Variants in SLC9A9 observed in about 807,000 individuals in gnomAD.
The protein encoded by SLC9A9 is sodium/hydrogen exchanger 9.
Under a neutral mutation model 77.8 loss-of-function variants are expected in SLC9A9, and 62 were observed. The ratio of observed to expected loss-of-function variants is 0.80; its 90% CI spans 0.65 to 0.98. The LOEUF (loss-of-function observed/expected upper bound fraction) is 0.98. SLC9A9 is among the 50% of genes least tolerant of loss of function. SLC9A9 has a pLI of 0.00. For missense variants in SLC9A9, 775 were observed against 774.9 expected (o/e 1.00, Z 0.00); for synonymous variants, 320 against 283.5 (o/e 1.13, Z -1.29).
chr3:143,725,997 C>G lies in SLC9A9; in HGVS notation c.534-32690G>C, dbSNP rs564145326. ...TAAATGAGTCACCTTACCACATAGC[C>G]TTATGTATTCACCTATTGTACCTGG... On this transcript the variant is annotated intron_variant, in intron 4 of 15. Coordinates refer to ENST00000316549, the MANE Select transcript of SLC9A9 (RefSeq NM_173653.4). Among the ~76,000 whole-genome samples, 12 of 151,836 alleles carry G rather than the reference C, an allele frequency of 7.9e-5. No homozygotes were observed. The East Asian group carries it at 2.3e-3, about 29-fold the overall frequency.
At chr3:143,628,314 T>C (rs138738671) in intron 6 of SLC9A9, among the ~76,000 whole-genome samples, 233 of 152,320 alleles carry the variant, frequency 1.5e-3, no homozygotes, top group African/African-American at 5.3e-3. Flanking sequence ...ACCTAACCAA[T>C]GGAACATCAT....
intron 6 of SLC9A9, chr3:143,627,459 T>G: frequency 4.5e-6 from 1 of 223,472 alleles, no homozygotes. Context: ...GCTCCGTTTG[T>G]GTCTTGCCAC....
chr3:143,664,385 G>T (rs2039028843), intron 5 of SLC9A9, among the ~76,000 whole-genome samples: 1 of 152,202 alleles, frequency 6.6e-6, no homozygotes, highest in South Asian at 2.1e-4. Flanking sequence ...ATGCCAAATT[G>T]TAAAGACCAT....
At chr3:143,312,468 G>T (rs1227728905) in intron 14 of SLC9A9, among the ~76,000 whole-genome samples, 1 of 152,214 alleles carries the variant, frequency 6.6e-6, no homozygotes, top group Non-Finnish European at 1.5e-5. Flanking sequence ...GATGACATAC[G>T]CCAGAGCAGT....
At chr3:143,339,103 T>C (rs2032013481) in intron 14 of SLC9A9, among the ~76,000 whole-genome samples, 1 of 152,212 alleles carries the variant, frequency 6.6e-6, no homozygotes. Flanking sequence ...ACTGTGTCAG[T>C]TGACAGCTTT....
intron 2 of SLC9A9, among the ~76,000 whole-genome samples, chr3:143,813,461 A>G (rs953875352): frequency 1.3e-5 from 2 of 152,168 alleles, no homozygotes; most frequent in African/African-American, 4.8e-5. Context: ...GAGAAGAGGA[A>G]TTAAGTGTGT....
At chr3:143,829,848 G>T (rs2009389826) in intron 2 of SLC9A9, among the ~76,000 whole-genome samples, 1 of 152,144 alleles carries the variant, frequency 6.6e-6, no homozygotes, top group South Asian at 2.1e-4. Context: ...TGTTAGCCAG[G>T]CACTTTATAC....
At chr3:143,734,510 C>T (rs535099702) in intron 4 of SLC9A9, among the ~76,000 whole-genome samples, 17 of 152,024 alleles carry the variant, frequency 1.1e-4, no homozygotes, top group South Asian at 2.1e-4. Context: ...CCGAGGTGGG[C>T]GGATCACGAG....
intron 11 of SLC9A9, among the ~76,000 whole-genome samples, chr3:143,467,455 C>A (rs976252277): frequency 1.3e-5 from 2 of 152,060 alleles, no homozygotes; most frequent in Non-Finnish European, 2.9e-5. Context: ...AGATAAAGAA[C>A]ATTTCTGGCT....
chr3:143,652,436 A>G, intron 5 of SLC9A9, 76 bp from the exon 6 acceptor site: 1 of 1,033,458 alleles, frequency 9.7e-7, no homozygotes, highest in East Asian at 2.5e-5. Context: ...GTCACCACTC[A>G]AAAACATTAA....
At chr3:143,720,079 G>A (rs1934457246) in intron 4 of SLC9A9, among the ~76,000 whole-genome samples, 1 of 151,058 alleles carries the variant, frequency 6.6e-6, no homozygotes, top group Non-Finnish European at 1.5e-5. Flanking sequence ...TCTAAACTAA[G>A]CCCCATTTAT....
intron 4 of SLC9A9, among the ~76,000 whole-genome samples, chr3:143,751,890 G>A (rs1229223187): frequency 6.6e-6 from 1 of 152,194 alleles, no homozygotes; most frequent in Non-Finnish European, 1.5e-5. Flanking sequence ...TCAGCACTGC[G>A]TTGAGTGGAG....
intron 4 of SLC9A9, among the ~76,000 whole-genome samples, chr3:143,711,290 A>G (rs1231280424): frequency 6.6e-6 from 1 of 152,222 alleles, no homozygotes; most frequent in Non-Finnish European, 1.5e-5. Flanking sequence ...CACTTTTCAG[A>G]GTACACAGAC....
chr3:143,617,426 G>T (rs1177816825), intron 6 of SLC9A9, among the ~76,000 whole-genome samples: 1 of 152,188 alleles, frequency 6.6e-6, no homozygotes, highest in African/African-American at 2.4e-5. Flanking sequence ...CTGAACCCTG[G>T]ATTAGAATAG....
At chr3:143,398,105 G>A (rs929209548) in intron 12 of SLC9A9, among the ~76,000 whole-genome samples, 6 of 152,066 alleles carry the variant, frequency 3.9e-5, no homozygotes, top group South Asian at 2.1e-4. Context: ...CTTCCCCCCC[G>A]CCACCACCTT....
intron 4 of SLC9A9, among the ~76,000 whole-genome samples, chr3:143,740,484 T>C (rs1363403863): frequency 2.0e-5 from 3 of 152,332 alleles, no homozygotes; most frequent in African/African-American, 7.2e-5. Context: ...TAATTAATAA[T>C]GTTTTTGAAA....
intron 12 of SLC9A9, among the ~76,000 whole-genome samples, chr3:143,411,178 C>A (rs1412251113): frequency 6.6e-6 from 1 of 152,174 alleles, no homozygotes; most frequent in Non-Finnish European, 1.5e-5. Context: ...AGTAAGTAAC[C>A]TGTTCTATCA....
chr3:143,302,747 T>A (rs1426003867), intron 14 of SLC9A9, among the ~76,000 whole-genome samples: 1 of 152,192 alleles, frequency 6.6e-6, no homozygotes, highest in African/African-American at 2.4e-5. Flanking sequence ...TGACTGCGTT[T>A]GACGAGGAGT....
chr3:143,410,744 TTTTAA>T (rs2034080436), intron 12 of SLC9A9, among the ~76,000 whole-genome samples: 1 of 152,322 alleles, frequency 6.6e-6, no homozygotes, highest in Middle Eastern at 3.4e-3. Flanking sequence ...TTTACTTTCA[TTTTAA>T]TTTATCTAAT....
Sources: allele counts gnomAD v4.1 joint callset (sites outside exome capture counted in the v4.1 genomes callset), GRCh38; gene constraint gnomAD v4.1.1; transcripts MANE v1.5; gene names NCBI Gene and HGNC (gene_info 2026-07-23, HGNC 2026-07-21).